The following MGST1 variants were observed in gnomAD, a reference collection of about 807,000 sequenced individuals.
MGST1 encodes microsomal glutathione S-transferase 1, also known as glutathione S-transferase 12.
MGST1 carries 5 observed loss-of-function variants against 8.9 expected under a neutral mutation model. The observed-to-expected ratio is 0.56, with a 90% CI of 0.29 to 1.19. The LOEUF is 1.19. MGST1 is among the 50% of genes most tolerant of loss of function. The pLI is 0.08. For synonymous variants in MGST1, 54 were observed against 67.8 expected (o/e 0.80, Z 1.00); for missense variants, 182 against 187.4 (o/e 0.97, Z 0.17).
At chr12:16,457,131 A>G (rs554345313) in intron 4 of MGST1, among the ~76,000 whole-genome samples, 1 of 152,114 alleles carries the variant, frequency 6.6e-6, no homozygotes, top group Non-Finnish European at 1.5e-5. Context: ...TCTCATATCC[A>G]GGCATTAATA....
intron 1 of MGST1, among the ~76,000 whole-genome samples, chr12:16,415,095 G>A (rs181765081): frequency 9.2e-5 from 14 of 152,204 alleles, no homozygotes; most frequent in African/African-American, 3.1e-4. Flanking sequence ...CTATGTAAGG[G>A]ACTGGAACAT....
chr12:16,370,511 T>A (rs2137021237), intron 3 of MGST1: 1 of 152,320 alleles, frequency 6.6e-6, no homozygotes, highest in East Asian at 1.9e-4. Context: ...TTGTATATTA[T>A]CTTCTATGGG....
chr12:16,427,883 C>T (rs1250615072), intron 1 of MGST1, among the ~76,000 whole-genome samples: 1 of 151,816 alleles, frequency 6.6e-6, no homozygotes, highest in Non-Finnish European at 1.5e-5. Flanking sequence ...TATGACTCAC[C>T]TGTTCTTGAA....
chr12:16,391,546 C>T (rs1400587098), intron 1 of MGST1, among the ~76,000 whole-genome samples: 1 of 152,056 alleles, frequency 6.6e-6, no homozygotes, highest in Non-Finnish European at 1.5e-5. Flanking sequence ...GCCACATTTT[C>T]TTTATCCAGT....
At chr12:16,397,771 A>G (rs2137059441) in intron 1 of MGST1, among the ~76,000 whole-genome samples, 1 of 132,580 alleles carries the variant, frequency 7.5e-6, no homozygotes, top group African/African-American at 2.9e-5. Context: ...TTCTTAATCA[A>G]TAGTATCTTT....
At chr12:16,549,561 T>C (rs1941910510) in intron 4 of MGST1, 2 of 152,536 alleles carry the variant, frequency 1.3e-5, no homozygotes, top group Non-Finnish European at 2.9e-5. Context: ...TCATCTGTAA[T>C]GCATATATTG....
chr12:16,588,600 T>C (rs976341539), intron 4 of MGST1, among the ~76,000 whole-genome samples: 3 of 152,044 alleles, frequency 2.0e-5, no homozygotes, highest in Non-Finnish European at 4.4e-5. Flanking sequence ...AGATCCAAAT[T>C]CATCCTAATT....
intron 1 of MGST1, among the ~76,000 whole-genome samples, chr12:16,404,771 C>T (rs886208755): frequency 4.6e-5 from 7 of 152,264 alleles, no homozygotes; most frequent in South Asian, 2.1e-4. Context: ...TCTAGCTTTA[C>T]GTCCTCATTA....
At chr12:16,453,458 A>G (rs772946532) in intron 4 of MGST1, among the ~76,000 whole-genome samples, 1 of 151,982 alleles carries the variant, frequency 6.6e-6, no homozygotes, top group Admixed American at 6.6e-5. Flanking sequence ...TTATTTATAT[A>G]TACATACAAA....
intron 4 of MGST1, among the ~76,000 whole-genome samples, chr12:16,461,085 C>A (rs1285754532): frequency 6.7e-6 from 1 of 150,114 alleles, no homozygotes; most frequent in Non-Finnish European, 1.5e-5. Flanking sequence ...GAAACAACAA[C>A]AAAGACTATA....
Position 16,518,424 on chromosome 12 carries a change from A to C in MGST1, n.483-71104A>C, listed in dbSNP as rs144447658. On this transcript the variant is annotated intron_variant and non_coding_transcript_variant, in intron 4 of 4. Coordinates refer to the MGST1 transcript ENST00000538857. ...AATATAGTTCTCCTATCTCTACTTC[A>C]TTCTATTTCATTTAGTTTTGAAAAG... is the stretch of plus-strand genomic sequence containing the variant. 4.9e-3 allele frequency among the ~76,000 whole-genome samples: 748 copies of C among 152,286 alleles called. 8 individuals are homozygous for C. The highest frequency in any genetic ancestry group is 0.017 in the African/African-American group (723 of 41,556).
At chr12:16,390,439 C>T (rs1940541675) in intron 1 of MGST1, among the ~76,000 whole-genome samples, 1 of 152,172 alleles carries the variant, frequency 6.6e-6, no homozygotes, top group Admixed American at 6.5e-5. Flanking sequence ...CTGCTCCTCT[C>T]CCTCCTGCCA....
At chr12:16,370,045 A>T (rs1220048287) in intron 3 of MGST1, 2 of 152,208 alleles carry the variant, frequency 1.3e-5, no homozygotes, top group African/African-American at 4.8e-5. Context: ...CCGCTTTGTT[A>T]TGCTAGTATG....
At chr12:16,411,649 A>G (rs1047344026) in intron 1 of MGST1, among the ~76,000 whole-genome samples, 4 of 152,190 alleles carry the variant, frequency 2.6e-5, no homozygotes, top group African/African-American at 9.6e-5. Flanking sequence ...CCTAGTATGA[A>G]CAGTGTCATA....
rs899037290 is a variant in MGST1 at position 16,547,684 on chromosome 12, A to C, written n.483-41844A>C. Among the ~76,000 whole-genome samples the C allele has an allele frequency of 3.3e-5, 5 of 152,182 alleles. No homozygotes were observed. The highest frequency in any genetic ancestry group is 1.2e-4 in the African/African-American group (5 of 41,452). ...AAATCTCTGCTTTCTATTACCTTAAATTACATTAAAACCACATTTAAAAAA... is the reference window on the plus strand; with the variant it reads ...AAATCTCTGCTTTCTATTACCTTAACTTACATTAAAACCACATTTAAAAAA... On this transcript the variant is annotated intron_variant and non_coding_transcript_variant, in intron 4 of 4. Transcript: ENST00000538857. This position sits in a 1 kb window ranked among gnomAD's most constrained non-coding sequence, Gnocchi z 4.6.
intron 4 of MGST1, among the ~76,000 whole-genome samples, chr12:16,490,825 C>T (rs1168355363): frequency 6.6e-6 from 1 of 152,110 alleles, no homozygotes; most frequent in African/African-American, 2.4e-5. Context: ...TCCCGGGACA[C>T]ATGAGACCCA....
chr12:16,533,909 T>C (rs929131395), intron 4 of MGST1, among the ~76,000 whole-genome samples: 1 of 152,034 alleles, frequency 6.6e-6, no homozygotes, highest in Admixed American at 6.6e-5. Flanking sequence ...AAACAGGATA[T>C]TCCAGGCAGA....
intron 4 of MGST1, among the ~76,000 whole-genome samples, chr12:16,486,406 A>G (rs968341363): frequency 1.3e-5 from 2 of 152,256 alleles, no homozygotes; most frequent in Non-Finnish European, 2.9e-5. Flanking sequence ...CAATAATAGA[A>G]AATAAGGTTA....
chr12:16,496,847 A>G (rs1941473767), intron 4 of MGST1, among the ~76,000 whole-genome samples: 1 of 152,180 alleles, frequency 6.6e-6, no homozygotes, highest in Non-Finnish European at 1.5e-5. Context: ...CTGAATGCTG[A>G]TAACAGGAAA....
Sources: gnomAD v4.1 joint callset for allele counts (sites outside exome capture counted in the v4.1 genomes callset) on GRCh38, gnomAD v4.1.1 for gene constraint, Gnocchi (gnomAD v3.1) non-coding constraint, MANE v1.5 for transcripts, NCBI Gene and HGNC (gene_info 2026-07-23, HGNC 2026-07-21) for gene names.